Variants in PTPRR observed in about 807,000 individuals in gnomAD.
PTPRR encodes receptor-type tyrosine-protein phosphatase R.
A neutral mutation model predicts 77.2 loss-of-function variants in PTPRR; 38 were observed. That is an observed-to-expected ratio of 0.49 (90% CI 0.38 to 0.65). The LOEUF (loss-of-function observed/expected upper bound fraction) is 0.65. Ranked by LOEUF, PTPRR falls within the 30% of genes least tolerant of loss-of-function variation. PTPRR has a pLI of 0.00. For missense variants in PTPRR, 744 were observed against 799.2 expected, an observed-to-expected ratio of 0.93 and a Z score of 0.83; for synonymous variants, 299 against 283.1, an observed-to-expected ratio of 1.06 and a Z score of -0.57.
chr12:70,865,233 C>G (rs143553420), intron 2 of PTPRR, among the ~76,000 whole-genome samples: 1 of 152,180 alleles, frequency 6.6e-6, no homozygotes, highest in East Asian at 1.9e-4. Flanking sequence ...TCCCCAGCTA[C>G]GTGGAACTGT....
chr12:70,706,097 A>T (rs950819126), intron 6 of PTPRR, among the ~76,000 whole-genome samples: 3 of 152,064 alleles, frequency 2.0e-5, no homozygotes, highest in Admixed American at 1.3e-4. Context: ...AGAAATGGAG[A>T]GATGGAATTC....
chr12:70,914,148 G>C (rs1893740876), intron 1 of PTPRR, among the ~76,000 whole-genome samples: 1 of 152,140 alleles, frequency 6.6e-6, no homozygotes, highest in South Asian at 2.1e-4. Flanking sequence ...CAGAGTATTG[G>C]TATTTAAGAG....
chr12:70,868,891 G>C (rs1892909825), intron 2 of PTPRR, among the ~76,000 whole-genome samples: 2 of 151,718 alleles, frequency 1.3e-5, no homozygotes, highest in Non-Finnish European at 2.9e-5. Flanking sequence ...GTAGGGACAT[G>C]GATGAAACTG....
chr12:70,767,419 G>A (rs1890853928), intron 2 of PTPRR, among the ~76,000 whole-genome samples: 1 of 150,840 alleles, frequency 6.6e-6, no homozygotes, highest in East Asian at 1.9e-4. Context: ...AGACAAAGGC[G>A]GCCATTACAT....
At chr12:70,699,684 T>G (rs532841498) in intron 7 of PTPRR, among the ~76,000 whole-genome samples, 1 of 152,332 alleles carries the variant, frequency 6.6e-6, no homozygotes, top group Admixed American at 6.5e-5. Context: ...TTTATCCCTA[T>G]TCTCTGCTCC....
At chr12:70,698,829 G>A (rs1888324476) in intron 7 of PTPRR, among the ~76,000 whole-genome samples, 1 of 152,034 alleles carries the variant, frequency 6.6e-6, no homozygotes, top group Admixed American at 6.6e-5. Context: ...GGGCTTTTTT[G>A]TTAATTCAAG....
intron 2 of PTPRR, among the ~76,000 whole-genome samples, chr12:70,836,391 A>G (rs968189836): frequency 2.0e-5 from 3 of 151,146 alleles, no homozygotes; most frequent in African/African-American, 7.3e-5. Flanking sequence ...ATCTGAATGC[A>G]TACATTACAC....
At chr12:70,868,407 A>G (rs1343658527) in intron 2 of PTPRR, among the ~76,000 whole-genome samples, 1 of 152,000 alleles carries the variant, frequency 6.6e-6, no homozygotes, top group Non-Finnish European at 1.5e-5. Context: ...AAAAGAAGAC[A>G]TTTATGCAGC....
intron 2 of PTPRR, among the ~76,000 whole-genome samples, chr12:70,887,275 C>A (rs960456539): frequency 2.0e-5 from 3 of 151,976 alleles, no homozygotes; most frequent in Non-Finnish European, 1.5e-5. Flanking sequence ...CATGGTGAAA[C>A]CCCGCCTCTA....
At chr12:70,830,390 C>A (rs1166227424) in intron 2 of PTPRR, among the ~76,000 whole-genome samples, 3 of 152,082 alleles carry the variant, frequency 2.0e-5, no homozygotes, top group African/African-American at 7.2e-5. Flanking sequence ...ATAATAGGCA[C>A]TCAATAAATA....
intron 10 of PTPRR, among the ~76,000 whole-genome samples, chr12:70,666,935 G>GGTT (rs1887021966): frequency 3.4e-5 from 1 of 29,050 alleles, no homozygotes. Flanking sequence ...GTGTTTTTCT[G>GGTT]TTTTTTTTTT....
In PTPRR at chr12:70,639,001, G is replaced by T. The variant is rs774846843; in HGVS notation, c.*183C>A. 1.7e-6 allele frequency: 1 copy of T among 602,048 alleles called. No homozygotes were observed. The highest frequency in any genetic ancestry group is 2.9e-6 in the Non-Finnish European group (1 of 339,048). 37.3% of individuals were successfully genotyped at this position (602,048 alleles called of 1,614,324 possible). ...AATAATTTGGGGGATGCTTACAAAT[G>T]CATTCATATACACAAGGAGCTGGAA... On this transcript the variant is annotated 3_prime_UTR_variant, in exon 14 of 14. Transcript: ENST00000283228.
intron 6 of PTPRR, among the ~76,000 whole-genome samples, chr12:70,734,584 T>C (rs1889798710): frequency 6.6e-6 from 1 of 151,974 alleles, no homozygotes; most frequent in Non-Finnish European, 1.5e-5. Flanking sequence ...TGAGGGGTGG[T>C]CTGGGGGCAG....
intron 2 of PTPRR, among the ~76,000 whole-genome samples, chr12:70,776,190 A>G (rs1002053433): frequency 6.6e-6 from 1 of 152,136 alleles, no homozygotes; most frequent in Non-Finnish European, 1.5e-5. Context: ...ATATTTGGGT[A>G]TCATCCCGAC....
At chr12:70,788,744 C>T in intron 2 of PTPRR, 1 of 1,035,792 alleles carries the variant, frequency 9.7e-7, no homozygotes, top group African/African-American at 1.6e-5. Context: ...AGACATAAAT[C>T]TTAATATTTA....
In PTPRR at chr12:70,920,719, G is replaced by C; in HGVS notation, c.-329C>G. 1 of 307,894 alleles carries C rather than the reference G, an allele frequency of 3.2e-6. No individual in the cohort carries two copies. The highest frequency in any genetic ancestry group is 3.5e-5 in the South Asian group (1 of 28,778). The allele number at this position is 307,894 out of a possible 1,614,324, so 19.1% of individuals were successfully genotyped here. On this transcript the variant is annotated 5_prime_UTR_variant, in exon 1 of 14. Coordinates refer to ENST00000283228, the MANE Select transcript of PTPRR (RefSeq NM_002849.4). ...GCGCCAGCCCAGCAGCCCAGCAGCA[G>C]CGCCGCGGCTACTGAGCATGCCCAG...
In PTPRR at chr12:70,886,177, C is replaced by T. The variant is rs1893236496; in HGVS notation, c.357+6502G>A. Among the ~76,000 whole-genome samples the T allele has an allele frequency of 2.0e-5, 3 of 152,242 alleles. No homozygotes were observed. The South Asian group carries it at 6.2e-4, about 32-fold the overall frequency. ...TTTAATAGCTAGAAATGGTGAAAAG[C>T]AACAGATGGTGACAGTTATGACTGT... On this transcript the variant is annotated intron_variant, in intron 2 of 13. Coordinates refer to ENST00000283228, the MANE Select transcript of PTPRR (RefSeq NM_002849.4).
rs199540450 is a variant in PTPRR, at chr12:70,844,546, A to G, written c.357+48133T>C. Among the ~76,000 whole-genome samples the G allele has an allele frequency of 5.9e-5, 9 of 152,170 alleles. No individual in the cohort carries two copies. In the East Asian group the frequency reaches 1.7e-3, roughly 29 times the overall value. On this transcript the variant is annotated intron_variant, in intron 2 of 13. Transcript: ENST00000283228. ...ATACAAGCCGAGTAGAATAGTGGTT[A>G]CTCCAGGGACTGGGAGGTAGGGAAA...
intron 10 of PTPRR, among the ~76,000 whole-genome samples, chr12:70,683,385 T>C (rs1730559175): frequency 6.6e-6 from 1 of 152,214 alleles, no homozygotes; most frequent in Admixed American, 6.5e-5. Context: ...ATAAGTATTC[T>C]GCAAGCTAAA....
Sources: gnomAD v4.1 joint callset for allele counts (sites outside exome capture counted in the v4.1 genomes callset) on GRCh38, gnomAD v4.1.1 for gene constraint, MANE v1.5 for transcripts, NCBI Gene and HGNC (gene_info 2026-07-23, HGNC 2026-07-21) for gene names.